Variants in KIDINS220 observed in about 807,000 individuals in gnomAD.
KIDINS220 encodes the protein kinase D interacting substrate 220.
Under a neutral mutation model 157.6 loss-of-function variants are expected in KIDINS220, and 63 were observed. The ratio of observed to expected loss-of-function variants is 0.40; its 90% CI spans 0.33 to 0.49. The LOEUF is 0.49. KIDINS220 is among the 20% of genes least tolerant of loss of function. The probability of loss-of-function intolerance (pLI) is 0.66; values close to 1 mark genes in which losing one functional copy is unlikely to be tolerated. For missense variants in KIDINS220, 1,772 were observed against 2,171.2 expected, an observed-to-expected ratio of 0.82 and a Z score of 3.65; for synonymous variants, 732 against 783.6, an observed-to-expected ratio of 0.93 and a Z score of 1.10.
chr2:8,810,427 A>G (rs1369994991), intron 6 of KIDINS220, among the ~76,000 whole-genome samples: 2 of 152,222 alleles, frequency 1.3e-5, no homozygotes, highest in Non-Finnish European at 2.9e-5. Flanking sequence ...CTTGAAAGCC[A>G]AGCTATATGG....
At chr2:8,817,743 AT>A in intron 3 of KIDINS220, 27 bp from the exon 4 acceptor site, 1 of 1,477,380 alleles carries the variant, frequency 6.8e-7, no homozygotes, top group South Asian at 1.2e-5. Context: ...AAAAGTTATC[AT>A]TTTCAAACCA....
At position 8,786,344 on chromosome 2, in the gene KIDINS220, C is replaced by G; in HGVS notation, c.1801G>C (p.Asp601His). The change falls in exon 16 of 30, where the codon GAT (aspartate) becomes CAT (histidine). Residue 601 changes from aspartate (D) to histidine (H), a missense_variant. Asp to His is a moderately conservative substitution (Grantham distance 81, BLOSUM62 -1). Transcript: ENST00000256707. ...CCTACACTGGACAGTCTATTGTAAT[C>G]TGTAAACAAAAACCTTGAAGAAAAG... is the stretch of plus-strand genomic sequence containing the variant. ...KALPVRFLFT[D>H]YNRLSSVGGE... 1 of 1,612,332 alleles carries G rather than the reference C, an allele frequency of 6.2e-7. No homozygotes were observed. Among genetic ancestry groups the G allele is most frequent in the Non-Finnish European group, 8.5e-7 (1 of 1,179,088 alleles).
chr2:8,802,795 AG>A, intron 8 of KIDINS220, 134 bp downstream of exon 8: 1 of 651,282 alleles, frequency 1.5e-6, no homozygotes, highest in Non-Finnish European at 2.6e-6. Context: ...TTAACTTACT[AG>A]TTTCAAAGGC....
intron 10 of KIDINS220, among the ~76,000 whole-genome samples, chr2:8,797,816 T>C (rs894101264): frequency 2.6e-5 from 4 of 152,242 alleles, no homozygotes; most frequent in Non-Finnish European, 4.4e-5. Flanking sequence ...TGGTTATTTA[T>C]GTATTCATTT....
chr2:8,750,288 G>A lies in KIDINS220; in HGVS notation c.3238C>T (p.Pro1080Ser), dbSNP rs775504901. The A allele has an allele frequency of 1.2e-6, 2 of 1,613,018 alleles. No individual in the cohort carries two copies. The highest frequency in any genetic ancestry group is 8.5e-7 in the Non-Finnish European group (1 of 1,179,494). ...EQISIGGLAYPPLPLHEGPPR... is the reference protein window; with the variant it reads ...EQISIGGLAYSPLPLHEGPPR... ...GGACCCTCATGTAGAGGGAGCGGGGGGTACGCCAGTCCTCCAATACTGATC... is the reference window on the plus strand; with the variant it reads ...GGACCCTCATGTAGAGGGAGCGGGGAGTACGCCAGTCCTCCAATACTGATC... The change falls in exon 24 of 30, where the codon CCC becomes TCC. Residue 1080 changes from proline (P) to serine (S), a missense_variant. By Grantham distance (74) the Pro-to-Ser change is moderately conservative. Around this residue, in one of 3 missense-constraint regions of KIDINS220, gnomAD observed 793 missense variants for 885.5 expected, o/e 0.90. Transcript: ENST00000256707.
chr2:8,728,347 AAAC>A, downstream of KIDINS220, among the ~76,000 whole-genome samples: 1 of 152,158 alleles, frequency 6.6e-6, no homozygotes, highest in South Asian at 2.1e-4. Context: ...ACAAACAAAC[AAAC>A]AAAACCACAA....
At chr2:8,802,890 A>C in intron 8 of KIDINS220, 40 bp downstream of exon 8, 1 of 1,552,408 alleles carries the variant, frequency 6.4e-7, no homozygotes, top group Non-Finnish European at 8.9e-7. Flanking sequence ...CCTTTCATCC[A>C]CTTCACCACT....
intron 22 of KIDINS220, among the ~76,000 whole-genome samples, chr2:8,768,247 A>T (rs1371171811): frequency 8.0e-6 from 1 of 124,580 alleles, no homozygotes; most frequent in South Asian, 2.4e-4. Flanking sequence ...AATGTATGTT[A>T]AAAAAAAAAA....
intron 2 of KIDINS220, among the ~76,000 whole-genome samples, chr2:8,823,331 C>T (rs1678271404): frequency 6.7e-6 from 1 of 148,406 alleles, no homozygotes; most frequent in Non-Finnish European, 1.5e-5. Context: ...CATGAAGTTA[C>T]ATAAATATTT....
chr2:8,728,744 G>T (rs899101276), downstream of KIDINS220: 1 of 547,004 alleles, frequency 1.8e-6, no homozygotes, highest in Non-Finnish European at 2.3e-6. Flanking sequence ...TGGGACTTAC[G>T]AGCCACATTC....
chr2:8,812,585 A>G, intron 5 of KIDINS220, 92 bp from the exon 6 acceptor site: 1 of 562,286 alleles, frequency 1.8e-6, no homozygotes, highest in Non-Finnish European at 3.0e-6. Flanking sequence ...GAGAAATAAA[A>G]TCTTTTAGGT....
At chr2:8,750,635 T>G (rs1255448690) in intron 23 of KIDINS220, among the ~76,000 whole-genome samples, 1 of 152,244 alleles carries the variant, frequency 6.6e-6, no homozygotes, top group Non-Finnish European at 1.5e-5. Context: ...ATTTAAGATA[T>G]TCTAACAATT....
intron 18 of KIDINS220, 34 bp from the exon 19 acceptor site, chr2:8,779,173 A>G (rs776155893): frequency 5.0e-6 from 8 of 1,601,846 alleles, no homozygotes; most frequent in Non-Finnish European, 6.8e-6. Flanking sequence ...TGTGACATAC[A>G]TTTTAAATTG....
chr2:8,801,226 C>G (rs1421953164), intron 8 of KIDINS220, among the ~76,000 whole-genome samples: 1 of 152,158 alleles, frequency 6.6e-6, no homozygotes, highest in African/African-American at 2.4e-5. Flanking sequence ...ACTTAAAAAT[C>G]AGTTGTAGTC....
rs367675645 is a variant in KIDINS220, at chr2:8,779,854, A to G, written c.2230-40T>C. 6.4e-5 allele frequency: 103 copies of G among 1,602,678 alleles called. 1 individual carries two copies. In the South Asian group the frequency reaches 8.7e-4, roughly 14 times the overall value. On this transcript the variant is annotated intron_variant, in intron 17 of 29. Coordinates refer to ENST00000256707, the MANE Select transcript of KIDINS220 (RefSeq NM_020738.4). ...AAGGTATAGAAAGCACTGAAGGAAG[A>G]TCCAAGAAGCTTAAACATATTTCTT...
Position 8,827,114 on chromosome 2 carries a change from AACTTT to A in KIDINS220, c.-26_-22del. On this transcript the variant is annotated 5_prime_UTR_variant, in exon 2 of 30. Coordinates refer to ENST00000256707, the MANE Select transcript of KIDINS220 (RefSeq NM_020738.4). ...GACATTTTCACAGAAAGCTGCAATT[AACTTT>A]ATTTGAATACCTGTTAAATTAGACA... 7.3e-7 allele frequency: 1 copy of A among 1,367,694 alleles called. No individual in the cohort carries two copies. Among genetic ancestry groups the A allele is most frequent in the South Asian group, 1.2e-5 (1 of 81,088 alleles). The allele number at this position is 1,367,694 out of a possible 1,614,324, so 84.7% of individuals were successfully genotyped here. A position where few individuals can be genotyped will look rare whatever the true frequency, so the allele number is the denominator to read the frequency against.
At position 8,813,276 on chromosome 2, in the gene KIDINS220, C is replaced by T. The variant is rs1240512982; in HGVS notation, c.366G>A (p.Leu122=). The stretch of plus-strand genomic sequence containing the variant: ...TTGGATTGGCACCATGAGAAAGAAG[C>T]AACTCTACTACGTCAGTACGGCCTT... The part of the protein sequence containing the change: ...CYKGRTDVVE[L]LLSHGANPSV... The change falls in exon 5 of 30, where the codon TTG becomes TTA. Residue 122 remains leucine, a synonymous_variant. Transcript: ENST00000256707. The T allele has an allele frequency of 1.2e-6, 2 of 1,613,346 alleles. No homozygotes were observed. The highest frequency in any genetic ancestry group is 4.5e-5 in the East Asian group (2 of 44,784).
rs185310756 is a variant in KIDINS220 at position 8,738,490 on chromosome 2, G to C, written c.3586-1491C>G. On this transcript the variant is annotated intron_variant, in intron 26 of 29. Transcript: ENST00000256707. ...CCAAGTGACCAAGGTTAGCATTAGT[G>C]GTGGGAAGGCTTATGGACATCAAGA... Among the ~76,000 whole-genome samples, 1,332 of 152,314 alleles carry C rather than the reference G, an allele frequency of 8.7e-3. 8 individuals carry two copies. Among genetic ancestry groups the C allele is most frequent in the Non-Finnish European group, 0.014 (942 of 68,028 alleles).
intron 26 of KIDINS220, among the ~76,000 whole-genome samples, chr2:8,737,447 G>A (rs1665042988): frequency 1.3e-5 from 2 of 152,150 alleles, no homozygotes; most frequent in Non-Finnish European, 1.5e-5. Flanking sequence ...AGACAATTAA[G>A]CAACTTTGAG....
Sources: gnomAD v4.1 joint callset for allele counts (sites outside exome capture counted in the v4.1 genomes callset) on GRCh38, gnomAD v4.1.1 for gene constraint, gnomAD v4.1.1 regional missense constraint, MANE v1.5 for transcripts, NCBI Gene and HGNC (gene_info 2026-07-23, HGNC 2026-07-21) for gene names.